The following LSAMP variants were observed in gnomAD, a reference collection of about 807,000 sequenced individuals.
LSAMP encodes limbic system-associated membrane protein.
LSAMP carries 7 observed loss-of-function variants against 38.6 expected under a neutral mutation model. That is an observed-to-expected ratio of 0.18 (90% CI 0.10 to 0.34). LSAMP has a LOEUF of 0.34. LSAMP is among the 10% of genes least tolerant of loss of function. The pLI, the probability that LSAMP is intolerant of heterozygous loss-of-function variation, is 1.00. For synonymous variants in LSAMP, 154 were observed against 166.8 expected (o/e 0.92, Z 0.59); for missense variants, 313 against 420.0 (o/e 0.75, Z 2.23).
At chr3:116,088,689 A>G (rs1334496291) in intron 1 of LSAMP, among the ~76,000 whole-genome samples, 2 of 152,178 alleles carry the variant, frequency 1.3e-5, no homozygotes, top group Non-Finnish European at 1.5e-5. Context: ...AGCGTAACAC[A>G]AGAATGGTCA....
At chr3:115,942,150 T>C (rs1937943809) in intron 3 of LSAMP, among the ~76,000 whole-genome samples, 1 of 152,066 alleles carries the variant, frequency 6.6e-6, no homozygotes, top group Non-Finnish European at 1.5e-5. Flanking sequence ...AAGTACTAGA[T>C]ACATGCTATA....
chr3:115,926,194 A>C lies in LSAMP; in HGVS notation c.515-73577T>G, dbSNP rs889742322. Among the ~76,000 whole-genome samples the C allele has an allele frequency of 7.9e-5, 12 of 152,334 alleles. No individual in the cohort carries two copies. The South Asian group carries it at 1.0e-3, about 13-fold the overall frequency. On this transcript the variant is annotated intron_variant, in intron 3 of 6. Transcript: ENST00000490035. The stretch of plus-strand genomic sequence containing the variant: ...TGTCTTAATTCTGGGCACGGCACTT[A>C]AAGAACAGTCTGGACACATGGGGCA...
At chr3:116,353,948 T>C (rs544446697) in intron 1 of LSAMP, among the ~76,000 whole-genome samples, 1 of 152,256 alleles carries the variant, frequency 6.6e-6, no homozygotes, top group Admixed American at 6.5e-5. Context: ...TTCCATTCAA[T>C]GGTTTTGTAA....
At chr3:116,165,816 A>C (rs930604020) in intron 1 of LSAMP, among the ~76,000 whole-genome samples, 2 of 152,140 alleles carry the variant, frequency 1.3e-5, no homozygotes, top group Non-Finnish European at 2.9e-5. Context: ...TGCATGGCTG[A>C]GCCCTGGAAT....
chr3:116,004,585 G>T (rs1212870467), intron 3 of LSAMP, among the ~76,000 whole-genome samples: 1 of 148,426 alleles, frequency 6.7e-6, no homozygotes. Context: ...TATACATTTG[G>T]TTTGATGTCT....
intron 1 of LSAMP, among the ~76,000 whole-genome samples, chr3:116,427,867 G>T (rs1298549618): frequency 6.6e-6 from 1 of 152,110 alleles, no homozygotes; most frequent in African/African-American, 2.4e-5. Flanking sequence ...ACCCTAATAG[G>T]AAAACAGCTG....
intron 1 of LSAMP, among the ~76,000 whole-genome samples, chr3:116,206,681 C>T (rs1053949725): frequency 4.0e-5 from 6 of 151,816 alleles, no homozygotes; most frequent in African/African-American, 1.5e-4. Flanking sequence ...CATTCAGGAG[C>T]AGGTTGTTCA....
intron 3 of LSAMP, among the ~76,000 whole-genome samples, chr3:115,943,734 A>C (rs11714992): frequency 6.6e-6 from 1 of 151,998 alleles, no homozygotes; most frequent in East Asian, 1.9e-4. Context: ...GAGATTTAGA[A>C]CTTCCTGCTC....
intron 1 of LSAMP, among the ~76,000 whole-genome samples, chr3:116,342,245 C>T (rs1372586311): frequency 6.6e-6 from 1 of 151,966 alleles, no homozygotes; most frequent in East Asian, 1.9e-4. Context: ...ATTTTGTGTA[C>T]TGTGGTTTCA....
chr3:115,844,688 A>C, intron 4 of LSAMP, among the ~76,000 whole-genome samples: 1 of 152,158 alleles, frequency 6.6e-6, no homozygotes, highest in South Asian at 2.1e-4. Context: ...TATCTATAAA[A>C]TGTTGGGGCT....
intron 3 of LSAMP, among the ~76,000 whole-genome samples, chr3:115,924,500 C>T (rs1937455046): frequency 6.6e-6 from 1 of 152,164 alleles, no homozygotes; most frequent in African/African-American, 2.4e-5. Context: ...CAAATGTTGC[C>T]TTCATATTTA....
intron 1 of LSAMP, among the ~76,000 whole-genome samples, chr3:116,162,131 T>C (rs556318596): frequency 2.0e-5 from 3 of 152,160 alleles, no homozygotes; most frequent in Non-Finnish European, 4.4e-5. Context: ...TTTTGGCATA[T>C]GAAAATGAAT....
At chr3:116,054,344 AG>A (rs1348181949) in intron 2 of LSAMP, among the ~76,000 whole-genome samples, 6 of 152,280 alleles carry the variant, frequency 3.9e-5, no homozygotes, top group Non-Finnish European at 7.4e-5. Context: ...ATATCTGTGG[AG>A]CCCTTTTTGC....
At chr3:115,873,826 T>G (rs935098251) in intron 3 of LSAMP, among the ~76,000 whole-genome samples, 5 of 152,116 alleles carry the variant, frequency 3.3e-5, no homozygotes, top group South Asian at 2.1e-4. Flanking sequence ...CACAGTTATA[T>G]TTAATAGCTT....
chr3:116,084,681 G>A (rs1162533368), intron 2 of LSAMP, among the ~76,000 whole-genome samples: 4 of 151,698 alleles, frequency 2.6e-5, no homozygotes, highest in East Asian at 3.9e-4. Flanking sequence ...TTCTAGTTAC[G>A]GTCTCTAGTG....
At chr3:115,825,036 T>C (rs1292760707) in intron 6 of LSAMP, among the ~76,000 whole-genome samples, 1 of 152,188 alleles carries the variant, frequency 6.6e-6, no homozygotes, top group African/African-American at 2.4e-5. Context: ...AAGACCATCT[T>C]TAATCTACGT....
chr3:116,353,958 A>C (rs1273620582), intron 1 of LSAMP, among the ~76,000 whole-genome samples: 1 of 152,026 alleles, frequency 6.6e-6, no homozygotes, highest in African/African-American at 2.4e-5. Flanking sequence ...TGGTTTTGTA[A>C]AAAATTTTAT....
chr3:116,190,549 C>A lies in LSAMP; in HGVS notation c.156-103993G>T, dbSNP rs72945909. On this transcript the variant is annotated intron_variant, in intron 1 of 6. Coordinates refer to ENST00000490035, the MANE Select transcript of LSAMP (RefSeq NM_002338.5). ...TTTTAATGGGAATAAACAGGACTGG[C>A]CTATTCACTTTTTTACAACACTGGC... Among the ~76,000 whole-genome samples the A allele has an allele frequency of 1.7e-3, 264 of 152,224 alleles. 2 individuals are homozygous for A. The highest frequency in any genetic ancestry group is 6.0e-3 in the African/African-American group (249 of 41,522).
intron 3 of LSAMP, among the ~76,000 whole-genome samples, chr3:115,955,215 T>A (rs1332605731): frequency 6.6e-6 from 1 of 152,186 alleles, no homozygotes; most frequent in African/African-American, 2.4e-5. Context: ...ATTACAGGCG[T>A]GAGCCACCGC....
Sources: gnomAD v4.1 joint callset for allele counts (sites outside exome capture counted in the v4.1 genomes callset) on GRCh38, gnomAD v4.1.1 for gene constraint, MANE v1.5 for transcripts, NCBI Gene and HGNC (gene_info 2026-07-23, HGNC 2026-07-21) for gene names.